SNX27: variants seen among roughly 807,000 people sequenced by gnomAD.
The protein encoded by SNX27 is sorting nexin 27, also known as sorting nexin-27.
Under a neutral mutation model 71.6 loss-of-function variants are expected in SNX27, and 22 were observed. The observed-to-expected ratio is 0.31, with a 90% CI of 0.22 to 0.44. The LOEUF (loss-of-function observed/expected upper bound fraction) is 0.44. Among genes scored for constraint, SNX27 ranks in the 20% least tolerant of loss-of-function variants. The probability of loss-of-function intolerance (pLI) is 1.00; values close to 1 mark genes in which losing one functional copy is unlikely to be tolerated. For missense variants in SNX27, 531 were observed against 698.6 expected, an observed-to-expected ratio of 0.76 and a Z score of 2.70; for synonymous variants, 269 against 277.2, an observed-to-expected ratio of 0.97 and a Z score of 0.29.
chr1:151,649,556 C>G (rs1486216513), intron 2 of SNX27, among the ~76,000 whole-genome samples: 2 of 152,200 alleles, frequency 1.3e-5, no homozygotes, highest in Non-Finnish European at 2.9e-5. Flanking sequence ...CCACTCCAAC[C>G]TGGGAGACAG....
intron 7 of SNX27, among the ~76,000 whole-genome samples, chr1:151,669,981 T>G (rs1317804973): frequency 6.6e-6 from 1 of 152,234 alleles, no homozygotes; most frequent in Non-Finnish European, 1.5e-5. Context: ...ATACTAGGCC[T>G]TATTCATTAA....
Position 151,612,086 on chromosome 1 carries a change from G to A in SNX27, c.-116G>A, listed in dbSNP as rs2102577688. 4 of 1,158,130 alleles carry A rather than the reference G, an allele frequency of 3.5e-6. No homozygotes were observed. Among genetic ancestry groups the A allele is most frequent in the Middle Eastern group, 6.3e-4 (2 of 3,154 alleles). 71.7% of individuals were successfully genotyped at this position (1,158,130 alleles called of 1,614,324 possible). A position where few individuals can be genotyped will look rare whatever the true frequency, so the allele number is the denominator to read the frequency against. ...GCAGCTCGGTGGCCGAGTCGGTCCC[G>A]CGGCCGGCGGATCGGGCGCGCGCGT... On this transcript the variant is annotated 5_prime_UTR_variant, in exon 1 of 12. Transcript: ENST00000458013. This position sits in a 1 kb window ranked among gnomAD's most constrained non-coding sequence, Gnocchi z 5.2.
At chr1:151,652,472 G>A (rs983324612) in intron 2 of SNX27, among the ~76,000 whole-genome samples, 5 of 140,402 alleles carry the variant, frequency 3.6e-5, no homozygotes, top group Admixed American at 2.9e-4. Flanking sequence ...GCAGTGGTGT[G>A]ATCTCGGCTC....
chr1:151,653,194 G>A (rs1182851118), intron 2 of SNX27, among the ~76,000 whole-genome samples: 1 of 152,118 alleles, frequency 6.6e-6, no homozygotes, highest in Non-Finnish European at 1.5e-5. Context: ...CCAAAATGCT[G>A]GGATTACAGG....
chr1:151,612,216 C>T lies in SNX27; in HGVS notation c.15C>T (p.Asp5=), dbSNP rs1375319601. The T allele has an allele frequency of 1.7e-5, 23 of 1,357,648 alleles. No homozygotes were observed. The highest frequency in any genetic ancestry group is 2.2e-5 in the Non-Finnish European group (23 of 1,052,278). The allele number at this position is 1,357,648 out of a possible 1,614,324, so 84.1% of individuals were successfully genotyped here. A position where few individuals can be genotyped will look rare whatever the true frequency, so the allele number is the denominator to read the frequency against. The change falls in exon 1 of 12, where the codon GAC becomes GAT. Residue 5 remains aspartate, a synonymous_variant. Coordinates refer to ENST00000458013, the MANE Select transcript of SNX27 (RefSeq NM_001330723.2). The surrounding 1 kb of genome is among the most constrained non-coding windows in gnomAD (Gnocchi z 5.2). ...CTGCTCGCAAGATGGCGGACGAGGA[C>T]GGGGAAGGGATTCATCCCTCAGCCC... MADE[D]GEGIHPSAPH...
chr1:151,648,381 G>T (rs1669157194), intron 2 of SNX27, among the ~76,000 whole-genome samples: 1 of 151,866 alleles, frequency 6.6e-6, no homozygotes. Context: ...CATGAGAAAA[G>T]AGTTATTTTA....
rs770358039 is a variant in SNX27 at position 151,658,394 on chromosome 1, C to T, written c.703C>T (p.Arg235Ter). ...ATTATCAGAACAACAATTAGATGCC[C>T]GACGTCGGGGATTGGAAGAATATCT... is the stretch of plus-strand genomic sequence containing the variant. The part of the protein sequence containing the change: ...FSLSEQQLDA[R>*]RRGLEEYLEK... The change falls in exon 3 of 12, where the codon CGA (arginine) becomes TGA (stop). Residue 235 changes from arginine (R) to a stop codon, truncating the protein, a stop_gained. Transcript: ENST00000458013. LOFTEE classifies it high-confidence loss of function. The T allele has an allele frequency of 1.9e-6, 3 of 1,613,920 alleles. No individual in the cohort carries two copies. Among genetic ancestry groups the T allele is most frequent in the Non-Finnish European group, 1.7e-6 (2 of 1,179,978 alleles).
intron 6 of SNX27, 80 bp from the exon 7 acceptor site, chr1:151,668,392 G>C: frequency 7.7e-7 from 1 of 1,302,180 alleles, no homozygotes; most frequent in African/African-American, 1.5e-5. Flanking sequence ...TACCATTCTT[G>C]ATCTGCCTTA....
chr1:151,656,688 G>T (rs902980620), intron 2 of SNX27, among the ~76,000 whole-genome samples: 1 of 152,104 alleles, frequency 6.6e-6, no homozygotes, highest in Non-Finnish European at 1.5e-5. Flanking sequence ...CATTATTCAC[G>T]GTAGCTAAAA....
chr1:151,695,357 A>G lies in SNX27; in HGVS notation c.*940A>G, dbSNP rs1055441360. ...GACCCTGGCTCAGGAGGTTGATGCC[A>G]TGGGAACCTGAACCTGAAACACTTC... On this transcript the variant is annotated 3_prime_UTR_variant, in exon 12 of 12. Transcript: ENST00000458013. The G allele has an allele frequency of 2.1e-5, 3 of 145,840 alleles. No individual in the cohort carries two copies. The highest frequency in any genetic ancestry group is 4.5e-5 in the Non-Finnish European group (3 of 67,302). The allele number at this position is 145,840 out of a possible 1,614,324, so 9.0% of individuals were successfully genotyped here.
rs1308148456 is a variant in SNX27 at position 151,696,518 on chromosome 1, T to TTTTG, written c.*2103_*2104insTGTT. 4 of 135,560 alleles carry TTTTG rather than the reference T, an allele frequency of 3.0e-5. No individual in the cohort carries two copies. The South Asian group carries it at 6.7e-4, about 23-fold the overall frequency. The allele number at this position is 135,560 out of a possible 1,614,324, so 8.4% of individuals were successfully genotyped here. ...CTTTCTTTCTTTCGTTCTTTCGTTC[T>TTTTG]TTCGTTCTTTCTTTCTTTCTTTCTT... On this transcript the variant is annotated 3_prime_UTR_variant, in exon 12 of 12. Transcript: ENST00000458013.
chr1:151,654,075 C>G (rs1035771056), intron 2 of SNX27, among the ~76,000 whole-genome samples: 1 of 152,152 alleles, frequency 6.6e-6, no homozygotes, highest in Non-Finnish European at 1.5e-5. Context: ...TCGTGATCCA[C>G]CCGTCTTGGA....
At chr1:151,632,911 G>T (rs372665880) in intron 1 of SNX27, among the ~76,000 whole-genome samples, 1 of 151,112 alleles carries the variant, frequency 6.6e-6, no homozygotes, top group Non-Finnish European at 1.5e-5. Flanking sequence ...TGGCTCTGTC[G>T]CCCAGGCTGG....
intron 2 of SNX27, among the ~76,000 whole-genome samples, chr1:151,651,598 C>T (rs1669381701): frequency 6.6e-6 from 1 of 151,790 alleles, no homozygotes; most frequent in Non-Finnish European, 1.5e-5. Context: ...CCTCACATCC[C>T]AGACGGGGCG....
rs921022173 is a variant in SNX27 at position 151,612,110 on chromosome 1, G to C, written c.-92G>C. ...CGCGGCCGGCGGATCGGGCGCGCGC[G>C]TCGGGGGTCGTCCGGCTGCCAGGCA... On this transcript the variant is annotated 5_prime_UTR_variant, in exon 1 of 12. Coordinates refer to ENST00000458013, the MANE Select transcript of SNX27 (RefSeq NM_001330723.2). This position sits in a 1 kb window ranked among gnomAD's most constrained non-coding sequence, Gnocchi z 5.2. 12 of 1,243,954 alleles carry C rather than the reference G, an allele frequency of 9.6e-6. No individual in the cohort carries two copies. The highest frequency in any genetic ancestry group is 8.4e-5 in the Admixed American group (2 of 23,732). 77.1% of individuals were successfully genotyped at this position (1,243,954 alleles called of 1,614,324 possible).
intron 2 of SNX27, among the ~76,000 whole-genome samples, chr1:151,653,063 A>C (rs1170329822): frequency 6.6e-6 from 1 of 151,436 alleles, no homozygotes; most frequent in Non-Finnish European, 1.5e-5. Context: ...GAGTAGCTCG[A>C]ATTACAGGCA....
At chr1:151,686,361 AAC>A (rs1329449584) in intron 8 of SNX27, among the ~76,000 whole-genome samples, 1 of 152,254 alleles carries the variant, frequency 6.6e-6, no homozygotes, top group Non-Finnish European at 1.5e-5. Context: ...GAATTTAATA[AAC>A]ACAGTAATCT....
At chr1:151,632,539 G>A (rs1301219851) in intron 1 of SNX27, among the ~76,000 whole-genome samples, 1 of 152,218 alleles carries the variant, frequency 6.6e-6, no homozygotes, top group Non-Finnish European at 1.5e-5. Flanking sequence ...AGCCAAAGCA[G>A]AAGTAGGGGT....
chr1:151,636,132 G>A (rs926344310), intron 1 of SNX27, among the ~76,000 whole-genome samples: 1 of 152,118 alleles, frequency 6.6e-6, no homozygotes, highest in African/African-American at 2.4e-5. Context: ...TGTAGATCCA[G>A]TGACTCTCAA....
Sources: allele counts gnomAD v4.1 joint callset (sites outside exome capture counted in the v4.1 genomes callset), GRCh38; gene constraint gnomAD v4.1.1; non-coding constraint Gnocchi (gnomAD v3.1); transcripts MANE v1.5; gene names NCBI Gene and HGNC (gene_info 2026-07-23, HGNC 2026-07-21).